SYNDIG1: variants seen among roughly 807,000 people sequenced by gnomAD.
SYNDIG1 encodes the protein synapse differentiation inducing 1.
A neutral mutation model predicts 19.4 loss-of-function variants in SYNDIG1; 9 were observed. The ratio of observed to expected loss-of-function variants is 0.46; its 90% confidence interval spans 0.28 to 0.81. The LOEUF (loss-of-function observed/expected upper bound fraction) is 0.81. Ranked by LOEUF, SYNDIG1 falls within the 30% of genes least tolerant of loss-of-function variation. The pLI is 0.12. For missense variants in SYNDIG1, 311 were observed against 343.3 expected, an observed-to-expected ratio of 0.91 and a Z score of 0.74; for synonymous variants, 141 against 145.9, an observed-to-expected ratio of 0.97 and a Z score of 0.24.
intron 3 of SYNDIG1, among the ~76,000 whole-genome samples, chr20:24,590,949 T>C (rs1388675666): frequency 6.6e-6 from 1 of 152,134 alleles, no homozygotes. Flanking sequence ...AGAGCTGCAC[T>C]GCTGGGACTT....
At chr20:24,546,954 C>T (rs2057589699) in intron 2 of SYNDIG1, among the ~76,000 whole-genome samples, 1 of 152,196 alleles carries the variant, frequency 6.6e-6, no homozygotes, top group Non-Finnish European at 1.5e-5. Flanking sequence ...TGGTTTATAG[C>T]AAATGGATAC....
chr20:24,665,471 C>T lies in SYNDIG1; in HGVS notation c.744C>T (p.Leu248=). The T allele has an allele frequency of 6.2e-7, 1 of 1,614,076 alleles. No individual in the cohort carries two copies. Among genetic ancestry groups the T allele is most frequent in the Non-Finnish European group, 8.5e-7 (1 of 1,180,004 alleles). The stretch of plus-strand genomic sequence containing the variant: ...TCTATGTGGGCGTGGCCGTGGCCCT[C>T]ATCGCCTACCTCTCCAAGAACAACC... The part of the protein sequence containing the change: ...TGVYVGVAVA[L]IAYLSKNNHL The change falls in exon 4 of 4, where the codon CTC becomes CTT. Residue 248 remains leucine, a synonymous_variant. Transcript: ENST00000376862.
intron 1 of SYNDIG1, among the ~76,000 whole-genome samples, chr20:24,484,056 G>A (rs529446594): frequency 1.2e-4 from 19 of 152,296 alleles, no homozygotes; most frequent in Admixed American, 4.6e-4. Context: ...AATTCCGTCT[G>A]CATCAGTGGT....
At chr20:24,526,875 G>T (rs896108008) in intron 1 of SYNDIG1, among the ~76,000 whole-genome samples, 5 of 152,074 alleles carry the variant, frequency 3.3e-5, no homozygotes, top group Non-Finnish European at 7.4e-5. Context: ...CTGTCCTTTT[G>T]CTTCCATTAT....
intron 1 of SYNDIG1, among the ~76,000 whole-genome samples, chr20:24,477,762 G>A (rs2055676823): frequency 6.6e-6 from 1 of 152,174 alleles, no homozygotes; most frequent in African/African-American, 2.4e-5. Context: ...GGAGTAGGGA[G>A]AGCCATGGCT....
Position 24,656,438 on chromosome 20 carries a change from G to A in SYNDIG1, c.619-8908G>A, listed in dbSNP as rs181903492. On this transcript the variant is annotated intron_variant, in intron 3 of 3. Coordinates refer to ENST00000376862, the MANE Select transcript of SYNDIG1 (RefSeq NM_024893.3). The stretch of plus-strand genomic sequence containing the variant: ...CTAAACGGCCTGCATGCTGGACCCC[G>A]TGGTGCCCTGAGGAAAGCAGGCGTG... Among the ~76,000 whole-genome samples, 14 of 152,284 alleles carry A rather than the reference G, an allele frequency of 9.2e-5. 1 individual carries two copies. Among genetic ancestry groups the A allele is most frequent in the African/African-American group, 2.4e-4 (10 of 41,564 alleles).
Position 24,476,638 on chromosome 20 carries a change from C to T in SYNDIG1, c.-79+6885C>T, listed in dbSNP as rs565978634. ...TGAGCCGAGATCCCGCCACTACACT[C>T]CAGCCTGGGTGACAGAGCAAGACTC... On this transcript the variant is annotated intron_variant, in intron 1 of 3. Coordinates refer to ENST00000376862, the MANE Select transcript of SYNDIG1 (RefSeq NM_024893.3). Among the ~76,000 whole-genome samples, 14 of 152,036 alleles carry T rather than the reference C, an allele frequency of 9.2e-5. No individual in the cohort carries two copies. The East Asian group carries it at 2.7e-3, about 30-fold the overall frequency.
At chr20:24,483,868 C>T (rs573449843) in intron 1 of SYNDIG1, among the ~76,000 whole-genome samples, 3 of 152,158 alleles carry the variant, frequency 2.0e-5, no homozygotes, top group South Asian at 2.1e-4. Flanking sequence ...GTGCAAGTGG[C>T]GATACAGGCA....
rs117000928 is a variant in SYNDIG1 at position 24,541,324 on chromosome 20, T to C, written c.-78-1696T>C. On this transcript the variant is annotated intron_variant, in intron 1 of 3. Transcript: ENST00000376862. ...GTATACCTACTTTCTGACTTATATTTTTCTTTCACAACCCCTCAATTTTCC... is the reference window on the plus strand; with the variant it reads ...GTATACCTACTTTCTGACTTATATTCTTCTTTCACAACCCCTCAATTTTCC... Among the ~76,000 whole-genome samples the C allele has an allele frequency of 2.4e-3, 364 of 152,364 alleles. 7 individuals are homozygous for C. In the East Asian group the frequency reaches 0.035, roughly 15 times the overall value.
chr20:24,529,920 G>T (rs906888557), intron 1 of SYNDIG1, among the ~76,000 whole-genome samples: 20 of 91,836 alleles, frequency 2.2e-4, no homozygotes, highest in African/African-American at 8.2e-4. Flanking sequence ...CCTGGTGATG[G>T]TATCAATGGT....
chr20:24,476,862 T>C (rs1171990778), intron 1 of SYNDIG1, among the ~76,000 whole-genome samples: 1 of 152,246 alleles, frequency 6.6e-6, no homozygotes, highest in Non-Finnish European at 1.5e-5. Flanking sequence ...GAGTCATTTG[T>C]CCAGCTGCAT....
At chr20:24,504,104 C>T (rs2056526466) in intron 1 of SYNDIG1, among the ~76,000 whole-genome samples, 1 of 152,130 alleles carries the variant, frequency 6.6e-6, no homozygotes, top group Admixed American at 6.5e-5. Flanking sequence ...GGACTACAGG[C>T]ACCTGCCACC....
rs1194645162 is a variant in SYNDIG1 at position 24,658,907 on chromosome 20, G to A, written c.619-6439G>A. Among the ~76,000 whole-genome samples, 1 of 152,074 alleles carries A rather than the reference G, an allele frequency of 6.6e-6. No individual in the cohort carries two copies. The highest frequency in any genetic ancestry group is 1.5e-5 in the Non-Finnish European group (1 of 68,032). On this transcript the variant is annotated intron_variant, in intron 3 of 3. Coordinates refer to ENST00000376862, the MANE Select transcript of SYNDIG1 (RefSeq NM_024893.3). The surrounding 1 kb of genome is among the most constrained non-coding windows in gnomAD (Gnocchi z 4.4). ...TCGGTTCTGCAGTCACATGAGCCAT[G>A]CCCCAAGTGCCATGTAGACGCAGCA...
At chr20:24,508,504 C>T (rs2056663052) in intron 1 of SYNDIG1, among the ~76,000 whole-genome samples, 1 of 152,034 alleles carries the variant, frequency 6.6e-6, no homozygotes, top group Non-Finnish European at 1.5e-5. Flanking sequence ...AGGCGTGAGC[C>T]ACCATGCCCT....
At chr20:24,608,714 A>G (rs867485593) in intron 3 of SYNDIG1, among the ~76,000 whole-genome samples, 1 of 152,358 alleles carries the variant, frequency 6.6e-6, no homozygotes, top group South Asian at 2.1e-4. Context: ...TTCAGCCACA[A>G]ATAAGGCAAC....
At chr20:24,585,891 C>T (rs1250191809) in intron 3 of SYNDIG1, among the ~76,000 whole-genome samples, 1 of 152,212 alleles carries the variant, frequency 6.6e-6, no homozygotes, top group Non-Finnish European at 1.5e-5. Flanking sequence ...TACAGAGGGT[C>T]CCTCTCCAGC....
At chr20:24,570,889 T>A (rs1476176896) in intron 2 of SYNDIG1, among the ~76,000 whole-genome samples, 1 of 152,222 alleles carries the variant, frequency 6.6e-6, no homozygotes, top group Non-Finnish European at 1.5e-5. Flanking sequence ...ATGCTCTTCA[T>A]TTTTGGATGA....
chr20:24,590,893 G>A (rs900207354), intron 3 of SYNDIG1, among the ~76,000 whole-genome samples: 1 of 152,288 alleles, frequency 6.6e-6, no homozygotes, highest in Non-Finnish European at 1.5e-5. Context: ...GGACAGCACC[G>A]AGGAGCGGAC....
At chr20:24,596,656 G>T (rs907065921) in intron 3 of SYNDIG1, among the ~76,000 whole-genome samples, 3 of 152,158 alleles carry the variant, frequency 2.0e-5, no homozygotes, top group African/African-American at 7.2e-5. Flanking sequence ...TGGAATTACA[G>T]GCATGAGCCA....
Sources: gnomAD v4.1 joint callset for allele counts (sites outside exome capture counted in the v4.1 genomes callset) on GRCh38, gnomAD v4.1.1 for gene constraint, Gnocchi (gnomAD v3.1) non-coding constraint, MANE v1.5 for transcripts, NCBI Gene and HGNC (gene_info 2026-07-23, HGNC 2026-07-21) for gene names.